The following VWA3B variants were observed in gnomAD, a reference collection of about 807,000 sequenced individuals.
VWA3B encodes von Willebrand factor A domain containing 3B.
A neutral mutation model predicts 158.3 loss-of-function variants in VWA3B; 138 were observed. That is an observed-to-expected ratio of 0.87 (90% CI 0.76 to 1.00). The LOEUF is 1.00. VWA3B is among the 50% of genes least tolerant of loss of function. The probability of loss-of-function intolerance (pLI) is 0.00; values close to 1 mark genes in which losing one functional copy is unlikely to be tolerated. For missense variants in VWA3B, 1,555 were observed against 1,565.1 expected (o/e 0.99, Z 0.11); for synonymous variants, 596 against 587.3 (o/e 1.01, Z -0.21).
intron 20 of VWA3B, among the ~76,000 whole-genome samples, chr2:98,254,720 A>G (rs1270542964): frequency 6.6e-6 from 1 of 152,212 alleles, no homozygotes; most frequent in East Asian, 1.9e-4. Flanking sequence ...ACTTTACCGA[A>G]AAGTTGGGCA....
intron 9 of VWA3B, among the ~76,000 whole-genome samples, chr2:98,183,457 C>T (rs968373826): frequency 8.6e-5 from 13 of 151,936 alleles, no homozygotes; most frequent in Admixed American, 7.9e-4. Context: ...GCTAAAAAGG[C>T]CTTATTATGT....
intron 23 of VWA3B, among the ~76,000 whole-genome samples, chr2:98,296,131 T>G (rs1689789335): frequency 1.3e-5 from 2 of 152,328 alleles, no homozygotes; most frequent in South Asian, 4.1e-4. Context: ...ACTTCTCAAT[T>G]TAGGCAAACA....
intron 1 of VWA3B, among the ~76,000 whole-genome samples, chr2:98,092,816 G>GTACA (rs1682420806): frequency 5.8e-5 from 3 of 51,478 alleles, no homozygotes; most frequent in Non-Finnish European, 1.2e-4. Context: ...AGATGTTTTT[G>GTACA]TATATATATA....
At chr2:98,095,952 G>T (rs1682679775) in intron 2 of VWA3B, among the ~76,000 whole-genome samples, 1 of 152,140 alleles carries the variant, frequency 6.6e-6, no homozygotes, top group African/African-American at 2.4e-5. Flanking sequence ...AACCATCCTT[G>T]CATTTCTAGG....
chr2:98,163,089 G>A (rs1248563307), intron 8 of VWA3B, 113 bp downstream of exon 8: 7 of 1,511,268 alleles, frequency 4.6e-6, no homozygotes, highest in South Asian at 2.6e-5. Context: ...AGCTGCGAGG[G>A]GCTGCTGAGG....
intron 14 of VWA3B, among the ~76,000 whole-genome samples, chr2:98,223,671 T>G (rs769915570): frequency 6.6e-6 from 1 of 152,190 alleles, no homozygotes. Flanking sequence ...GGCACGATAG[T>G]TTTCAAGTAT....
chr2:98,304,939 G>A (rs909558192), intron 26 of VWA3B, among the ~76,000 whole-genome samples: 28 of 151,930 alleles, frequency 1.8e-4, no homozygotes, highest in African/African-American at 4.4e-4. Flanking sequence ...TAGACTCAAC[G>A]TCCCCACTCT....
chr2:98,316,582 G>A (rs1356342789), downstream of VWA3B, among the ~76,000 whole-genome samples: 1 of 151,552 alleles, frequency 6.6e-6, no homozygotes, highest in Non-Finnish European at 1.5e-5. Context: ...GTGAGGCAGA[G>A]GTTGCAGTGA....
chr2:98,323,412 A>C, the VWA3B span, among the ~76,000 whole-genome samples: 1 of 152,158 alleles, frequency 6.6e-6, no homozygotes, highest in African/African-American at 2.4e-5. Flanking sequence ...ATATTGAAAA[A>C]AGTTAACAGA....
At position 98,270,662 on chromosome 2, in the gene VWA3B, T is replaced by C; in HGVS notation, c.2844-20T>C. On this transcript the variant is annotated intron_variant, in intron 21 of 27. Transcript: ENST00000477737. ...TTTTGTTTCTTCCTCTGTTTGTTTG[T>C]TTGTTTCTTTGTTTTTTAGGTTAGA... 1 of 1,603,502 alleles carries C rather than the reference T, an allele frequency of 6.2e-7. No individual in the cohort carries two copies. The highest frequency in any genetic ancestry group is 8.5e-7 in the Non-Finnish European group (1 of 1,174,060).
intron 21 of VWA3B, among the ~76,000 whole-genome samples, chr2:98,263,704 C>T (rs1687620289): frequency 6.6e-6 from 1 of 151,722 alleles, no homozygotes. Flanking sequence ...GTTTCTTTTT[C>T]CTTGTAGTAT....
chr2:98,105,764 A>ATT (rs36103624), intron 2 of VWA3B, among the ~76,000 whole-genome samples: 2 of 148,524 alleles, frequency 1.3e-5, no homozygotes, highest in Non-Finnish European at 3.0e-5. Flanking sequence ...CAAATGGTTC[A>ATT]TTTTTTTTTT....
chr2:98,105,757 A>G (rs1362227431), intron 2 of VWA3B, among the ~76,000 whole-genome samples: 1 of 148,978 alleles, frequency 6.7e-6, no homozygotes, highest in African/African-American at 2.5e-5. Context: ...ACAAAAGCAA[A>G]TGGTTCATTT....
In VWA3B at chr2:98,140,625, C is replaced by T. The variant is rs373409328; in HGVS notation, c.988+6686C>T. On this transcript the variant is annotated intron_variant, in intron 7 of 27. Transcript: ENST00000477737. ...TCTTTATGATGGGCTTGGCTGTCTG[C>T]TGGAGAGGGTAAGGGGCACCAATGG... 2.6e-5 allele frequency among the ~76,000 whole-genome samples: 4 copies of T among 152,136 alleles called. No homozygotes were observed. In the East Asian group the frequency reaches 7.7e-4, roughly 29 times the overall value.
intron 21 of VWA3B, chr2:98,269,359 T>G (rs560571040): frequency 6.6e-6 from 1 of 152,232 alleles, no homozygotes; most frequent in Admixed American, 6.5e-5. Flanking sequence ...TAATATCTTG[T>G]TCCCCCTGGT....
chr2:98,316,149 A>G (rs1392542058), downstream of VWA3B, among the ~76,000 whole-genome samples: 1 of 152,190 alleles, frequency 6.6e-6, no homozygotes, highest in Non-Finnish European at 1.5e-5. Context: ...ATCTTAATAT[A>G]TATTGCTGAC....
At chr2:98,142,852 G>A (rs1311083127) in intron 7 of VWA3B, among the ~76,000 whole-genome samples, 2 of 152,130 alleles carry the variant, frequency 1.3e-5, no homozygotes, top group African/African-American at 4.8e-5. Flanking sequence ...CGATTGGGAA[G>A]CCACTGGCCA....
chr2:98,176,539 T>C (rs1680033575), intron 8 of VWA3B, among the ~76,000 whole-genome samples: 1 of 147,758 alleles, frequency 6.8e-6, no homozygotes, highest in Non-Finnish European at 1.5e-5. Flanking sequence ...TCTTTCCTTC[T>C]GCCTTCCTTT....
intron 2 of VWA3B, among the ~76,000 whole-genome samples, chr2:98,106,309 G>A (rs1673651840): frequency 6.6e-6 from 1 of 151,820 alleles, no homozygotes; most frequent in Non-Finnish European, 1.5e-5. Flanking sequence ...AATTGGGCCG[G>A]GTGAGTCCTC....
Sources: gnomAD v4.1 joint callset for allele counts (sites outside exome capture counted in the v4.1 genomes callset) on GRCh38, gnomAD v4.1.1 for gene constraint, MANE v1.5 for transcripts, NCBI Gene and HGNC (gene_info 2026-07-23, HGNC 2026-07-21) for gene names.